SRRT: variants seen among roughly 807,000 people sequenced by gnomAD.
The protein encoded by SRRT is serrate, RNA effector molecule, also known as serrate RNA effector molecule homolog.
A neutral mutation model predicts 103.2 loss-of-function variants in SRRT; 32 were observed. The observed-to-expected ratio is 0.31, with a 90% CI of 0.23 to 0.42. The LOEUF (loss-of-function observed/expected upper bound fraction) is 0.42. Among genes scored for constraint, SRRT ranks in the 10% least tolerant of loss-of-function variants. SRRT has a pLI of 1.00. For synonymous variants in SRRT, 525 were observed against 449.0 expected (o/e 1.17, Z -2.14); for missense variants, 986 against 1,207.5 (o/e 0.82, Z 2.72).
chr7:100,888,410 G>C (rs769850872), intron 19 of SRRT, 27 bp downstream of exon 19: 27 of 1,612,992 alleles, frequency 1.7e-5, no homozygotes, highest in Admixed American at 3.3e-5. Context: ...CCCAAGCTTT[G>C]TTGCCGCCTG....
Position 100,885,527 on chromosome 7 carries a change from G to C in SRRT, c.1317+157G>C. 1 of 1,069,442 alleles carries C rather than the reference G, an allele frequency of 9.4e-7. No homozygotes were observed. Among genetic ancestry groups the C allele is most frequent in the Non-Finnish European group, 1.4e-6 (1 of 739,072 alleles). The allele number at this position is 1,069,442 out of a possible 1,614,324, so 66.2% of individuals were successfully genotyped here. A position where few individuals can be genotyped will look rare whatever the true frequency, so the allele number is the denominator to read the frequency against. On this transcript the variant is annotated intron_variant, in intron 10 of 19. Transcript: ENST00000611405. This position sits in a 1 kb window ranked among gnomAD's most constrained non-coding sequence, Gnocchi z 4.8. Reference sequence around the variant, plus strand: ...GCCTCCGAGGACTAGTCCTGATAGCGCCATTGGCTTTCAGGTGCTGGTGTT... The same window carrying C: ...GCCTCCGAGGACTAGTCCTGATAGCCCCATTGGCTTTCAGGTGCTGGTGTT...
chr7:100,887,004 G>T lies in SRRT; in HGVS notation c.1821+36G>T, dbSNP rs764207927. ...CAGCGCGGGGCACGTGGGGGCTCGG[G>T]CGGTGAGGGCAGGAGCTGAACGCTC... is the stretch of plus-strand genomic sequence containing the variant. On this transcript the variant is annotated intron_variant, in intron 14 of 19. Coordinates refer to ENST00000611405, the MANE Select transcript of SRRT (RefSeq NM_015908.6). This position sits in a 1 kb window ranked among gnomAD's most constrained non-coding sequence, Gnocchi z 4.1. 8 of 1,610,622 alleles carry T rather than the reference G, an allele frequency of 5.0e-6. No homozygotes were observed. In the East Asian group the frequency reaches 1.8e-4, roughly 36 times the overall value.
At position 100,887,666 on chromosome 7, in the gene SRRT, A is replaced by T; in HGVS notation, c.2170-37A>T. ...CGGGCCTGGGAGCGAGGCAACCCTTATGTGGCTGTCCTGACCCCTCTCCTC... is the reference window on the plus strand; with the variant it reads ...CGGGCCTGGGAGCGAGGCAACCCTTTTGTGGCTGTCCTGACCCCTCTCCTC... On this transcript the variant is annotated intron_variant, in intron 16 of 19. Coordinates refer to ENST00000611405, the MANE Select transcript of SRRT (RefSeq NM_015908.6). This position sits in a 1 kb window ranked among gnomAD's most constrained non-coding sequence, Gnocchi z 4.1. The T allele has an allele frequency of 6.3e-7, 1 of 1,593,314 alleles. No individual in the cohort carries two copies. The highest frequency in any genetic ancestry group is 8.6e-7 in the Non-Finnish European group (1 of 1,164,750).
chr7:100,886,449 C>A lies in SRRT; in HGVS notation c.1647+14C>A. On this transcript the variant is annotated intron_variant, in intron 13 of 19. Transcript: ENST00000611405. The stretch of plus-strand genomic sequence containing the variant: ...CCCCTGCCCACGGTCAGTGACTCCC[C>A]AAAGGACTTTGTCAGAAGCAACTGG... The A allele has an allele frequency of 1.2e-6, 2 of 1,602,532 alleles. No individual in the cohort carries two copies. The highest frequency in any genetic ancestry group is 2.2e-5 in the East Asian group (1 of 44,492).
Position 100,888,494 on chromosome 7 carries a change from G to A in SRRT, c.2576G>A (p.Arg859Lys), listed in dbSNP as rs1396297062. The A allele has an allele frequency of 6.2e-7, 1 of 1,614,156 alleles. No individual in the cohort carries two copies. Among genetic ancestry groups the A allele is most frequent in the Admixed American group, 1.7e-5 (1 of 60,026 alleles). The change falls in exon 20 of 20, where the codon AGG (arginine) becomes AAG (lysine). Residue 859 changes from arginine (R) to lysine (K), a missense_variant. Coordinates refer to ENST00000611405, the MANE Select transcript of SRRT (RefSeq NM_015908.6). ...CACAGGATGGTTCGTGGAGACCCAAGGGCCATTGTGGAATATCGGGACCTG... is the reference window on the plus strand; with the variant it reads ...CACAGGATGGTTCGTGGAGACCCAAAGGCCATTGTGGAATATCGGGACCTG... ...PRNRMVRGDP[R>K]AIVEYRDLDA...
chr7:100,885,339 C>T lies in SRRT; in HGVS notation c.1286C>T (p.Ala429Val). 3.7e-6 allele frequency: 6 copies of T among 1,613,962 alleles called. No homozygotes were observed. The highest frequency in any genetic ancestry group is 5.1e-6 in the Non-Finnish European group (6 of 1,179,892). Residue 429 changes from alanine (A) to valine (V), a missense_variant, in exon 10 of 20, where the codon GCG (alanine) becomes GTG (valine). By Grantham distance (64) the Ala-to-Val change is moderately conservative (BLOSUM62 0). Coordinates refer to ENST00000611405, the MANE Select transcript of SRRT (RefSeq NM_015908.6). The surrounding 1 kb of genome is among the most constrained non-coding windows in gnomAD (Gnocchi z 4.8). ...TGCTCCCTCTTCATGCGCAACATCG[C>T]GCCCAACATCTCCCGGGCCGAGATC... is the stretch of plus-strand genomic sequence containing the variant. ...KTCSLFMRNI[A>V]PNISRAEIIS...
intron 2 of SRRT, among the ~76,000 whole-genome samples, chr7:100,879,529 T>A (rs1816078815): frequency 6.6e-6 from 1 of 152,218 alleles, no homozygotes; most frequent in African/African-American, 2.4e-5. Context: ...CACCAAAATT[T>A]TTCTGGAAAA....
At chr7:100,884,669 T>TG (rs1789912110) in intron 7 of SRRT, 71 bp from the exon 8 acceptor site, 1 of 762,734 alleles carries the variant, frequency 1.3e-6, no homozygotes, top group Non-Finnish European at 1.9e-6. Context: ...GCCTCAGCTG[T>TG]GGGGGTGGGG....
In SRRT at chr7:100,887,978, G is replaced by C. The variant is rs898859265; in HGVS notation, c.2327-64G>C. ...GCCCCATCCTCAGGCCATAGCCCTA[G>C]AAGTCAATTGTACCCGTATCCCCCT... On this transcript the variant is annotated intron_variant, in intron 17 of 19. Coordinates refer to ENST00000611405, the MANE Select transcript of SRRT (RefSeq NM_015908.6). This position sits in a 1 kb window ranked among gnomAD's most constrained non-coding sequence, Gnocchi z 4.1. 5 of 1,527,972 alleles carry C rather than the reference G, an allele frequency of 3.3e-6. No individual in the cohort carries two copies. The African/African-American group carries it at 5.6e-5, about 17-fold the overall frequency. 94.7% of individuals were successfully genotyped at this position (1,527,972 alleles called of 1,614,324 possible).
Position 100,885,434 on chromosome 7 carries a change from G to A in SRRT, c.1317+64G>A. Reference sequence around the variant, plus strand: ...AGAAGTGGAGGGTAGAGGGAAGGCAGTGGGGCCCTGCCTGTGACAGATGCC... The same window carrying A: ...AGAAGTGGAGGGTAGAGGGAAGGCAATGGGGCCCTGCCTGTGACAGATGCC... On this transcript the variant is annotated intron_variant, in intron 10 of 19. Coordinates refer to ENST00000611405, the MANE Select transcript of SRRT (RefSeq NM_015908.6). This position sits in a 1 kb window ranked among gnomAD's most constrained non-coding sequence, Gnocchi z 4.8. The A allele has an allele frequency of 2.0e-6, 3 of 1,536,118 alleles. No homozygotes were observed. The highest frequency in any genetic ancestry group is 3.7e-5 in the Admixed American group (2 of 53,694).
rs772758119 is a variant in SRRT at position 100,888,605 on chromosome 7, G to T, written c.*56G>T. On this transcript the variant is annotated 3_prime_UTR_variant, in exon 20 of 20. Transcript: ENST00000611405. ...CCATACTTGTACTACCTTGTCCTATGAAGCTCTGAGAATTTTTTGTACGAT... is the reference window on the plus strand; with the variant it reads ...CCATACTTGTACTACCTTGTCCTATTAAGCTCTGAGAATTTTTTGTACGAT... The T allele has an allele frequency of 1.2e-6, 2 of 1,607,154 alleles. No individual in the cohort carries two copies. Among genetic ancestry groups the T allele is most frequent in the Non-Finnish European group, 1.7e-6 (2 of 1,173,800 alleles).
chr7:100,884,315 G>A, intron 6 of SRRT, 53 bp from the exon 7 acceptor site: 1 of 1,613,014 alleles, frequency 6.2e-7, no homozygotes, highest in South Asian at 1.1e-5. Flanking sequence ...GTAGAAGCCG[G>A]TTGACAGGAG....
In SRRT at chr7:100,885,424, A is replaced by G; in HGVS notation, c.1317+54A>G. On this transcript the variant is annotated intron_variant, in intron 10 of 19. Transcript: ENST00000611405. The surrounding 1 kb of genome is among the most constrained non-coding windows in gnomAD (Gnocchi z 4.8). The stretch of plus-strand genomic sequence containing the variant: ...GGGCTGATGGAGAAGTGGAGGGTAG[A>G]GGGAAGGCAGTGGGGCCCTGCCTGT... The G allele has an allele frequency of 1.3e-6, 2 of 1,568,092 alleles. No individual in the cohort carries two copies. Among genetic ancestry groups the G allele is most frequent in the Admixed American group, 3.6e-5 (2 of 55,998 alleles).
At position 100,887,920 on chromosome 7, in the gene SRRT, T is replaced by G; in HGVS notation, c.2326+61T>G. On this transcript the variant is annotated intron_variant, in intron 17 of 19. Coordinates refer to ENST00000611405, the MANE Select transcript of SRRT (RefSeq NM_015908.6). This position sits in a 1 kb window ranked among gnomAD's most constrained non-coding sequence, Gnocchi z 4.1. ...TTCCTTGACTACCCAGGGACTCCTGTTTCTCTTTAACGTGTCACCCCGAGA... is the reference window on the plus strand; with the variant it reads ...TTCCTTGACTACCCAGGGACTCCTGGTTCTCTTTAACGTGTCACCCCGAGA... 1 of 1,563,248 alleles carries G rather than the reference T, an allele frequency of 6.4e-7. No homozygotes were observed. Among genetic ancestry groups the G allele is most frequent in the Non-Finnish European group, 8.7e-7 (1 of 1,150,634 alleles).
chr7:100,882,344 T>G lies in SRRT; in HGVS notation c.587+103T>G. The G allele has an allele frequency of 7.4e-7, 1 of 1,342,686 alleles. No individual in the cohort carries two copies. Among genetic ancestry groups the G allele is most frequent in the Non-Finnish European group, 1.0e-6 (1 of 985,054 alleles). The allele number at this position is 1,342,686 out of a possible 1,614,324, so 83.2% of individuals were successfully genotyped here. A position where few individuals can be genotyped will look rare whatever the true frequency, so the allele number is the denominator to read the frequency against. On this transcript the variant is annotated intron_variant, in intron 5 of 19. Coordinates refer to ENST00000611405, the MANE Select transcript of SRRT (RefSeq NM_015908.6). This position sits in a 1 kb window ranked among gnomAD's most constrained non-coding sequence, Gnocchi z 4.2. Reference sequence around the variant, plus strand: ...CTTCCCAGTTTTCCCTGTCCAGAACTTTCTGGGGGCGGGGGTCGGGAAGTA... The same window carrying G: ...CTTCCCAGTTTTCCCTGTCCAGAACGTTCTGGGGGCGGGGGTCGGGAAGTA...
At position 100,881,493 on chromosome 7, in the gene SRRT, A is replaced by T. The variant is rs958840069; in HGVS notation, c.251+80A>T. Reference sequence around the variant, plus strand: ...CCCCTTTCTCCCCTCACCTGTGCCTAAATCTTTGTCATTTCCTTTTCTCAA... The same window carrying T: ...CCCCTTTCTCCCCTCACCTGTGCCTTAATCTTTGTCATTTCCTTTTCTCAA... On this transcript the variant is annotated intron_variant, in intron 3 of 19. Transcript: ENST00000611405. The T allele has an allele frequency of 4.3e-5, 67 of 1,574,952 alleles. No individual in the cohort carries two copies. In the Admixed American group the frequency reaches 1.2e-3, roughly 28 times the overall value.
In SRRT at chr7:100,881,419, A is replaced by T. The variant is rs550781568; in HGVS notation, c.251+6A>T. 1 of 1,609,418 alleles carries T rather than the reference A, an allele frequency of 6.2e-7. No individual in the cohort carries two copies. The highest frequency in any genetic ancestry group is 8.5e-7 in the Non-Finnish European group (1 of 1,176,246). The stretch of plus-strand genomic sequence containing the variant: ...AAGCGCATGAGGAGAGACTGGTGAG[A>T]TGGAGCGGTTTCCCTCTCCTCCCCT... On this transcript the variant is annotated splice_donor_region_variant and intron_variant, in intron 3 of 19. Transcript: ENST00000611405.
chr7:100,878,037 C>T (rs907896664), intron 2 of SRRT, among the ~76,000 whole-genome samples: 22 of 152,208 alleles, frequency 1.4e-4, no homozygotes, highest in Middle Eastern at 3.4e-3. Context: ...TTTGGGCCGG[C>T]GCAGTGGCTC....
rs1790228741 is a variant in SRRT at position 100,887,313 on chromosome 7, A to C, written c.1976-7A>C. On this transcript the variant is annotated splice_region_variant and splice_polypyrimidine_tract_variant and intron_variant, in intron 15 of 19. Coordinates refer to ENST00000611405, the MANE Select transcript of SRRT (RefSeq NM_015908.6). This position sits in a 1 kb window ranked among gnomAD's most constrained non-coding sequence, Gnocchi z 4.1. Reference sequence around the variant, plus strand: ...CCAACCTTCCTTCCTCTGTTCCCAAACCACAGTGCTGGAGTGGCAGAAGAC... The same window carrying C: ...CCAACCTTCCTTCCTCTGTTCCCAACCCACAGTGCTGGAGTGGCAGAAGAC... 7 of 1,612,234 alleles carry C rather than the reference A, an allele frequency of 4.3e-6. No individual in the cohort carries two copies. In the African/African-American group the frequency reaches 9.4e-5, roughly 22 times the overall value.
Sources: allele counts gnomAD v4.1 joint callset (sites outside exome capture counted in the v4.1 genomes callset), GRCh38; gene constraint gnomAD v4.1.1; non-coding constraint Gnocchi (gnomAD v3.1); transcripts MANE v1.5; gene names NCBI Gene and HGNC (gene_info 2026-07-23, HGNC 2026-07-21).